BRWD1: variants seen among roughly 807,000 people sequenced by gnomAD.
The protein encoded by BRWD1 is bromodomain and WD repeat-containing protein 1.
In BRWD1, 82 loss-of-function variants were observed where a neutral mutation model predicts 251.2. The observed-to-expected ratio is 0.33, with a 90% CI of 0.27 to 0.39. BRWD1 has a LOEUF of 0.39. Ranked by LOEUF, BRWD1 falls within the 10% of genes least tolerant of loss-of-function variation. The pLI is 1.00. For synonymous variants in BRWD1, 918 were observed against 902.8 expected, an observed-to-expected ratio of 1.02 and a Z score of -0.30; for missense variants, 2,233 against 2,711.6, an observed-to-expected ratio of 0.82 and a Z score of 3.92.
intron 4 of BRWD1, among the ~76,000 whole-genome samples, chr21:39,306,308 A>G (rs968192152): frequency 1.3e-5 from 2 of 152,022 alleles, no homozygotes; most frequent in Admixed American, 1.3e-4. Context: ...TGACCTTGTG[A>G]TCCACCCGCC....
Position 39,313,631 on chromosome 21 carries a change from C to G in BRWD1, c.-140G>C. ...GCCGCCGCCATACCGTGCGCGCCGCCTGGACCGACGCCTCCGCGGGGGAGG... is the reference window on the plus strand; with the variant it reads ...GCCGCCGCCATACCGTGCGCGCCGCGTGGACCGACGCCTCCGCGGGGGAGG... On this transcript the variant is annotated 5_prime_UTR_variant, in exon 1 of 41. Coordinates refer to ENST00000342449, the MANE Select transcript of BRWD1 (RefSeq NM_033656.4). The G allele has an allele frequency of 1.7e-6, 1 of 579,232 alleles. No individual in the cohort carries two copies. The highest frequency in any genetic ancestry group is 2.5e-6 in the Non-Finnish European group (1 of 397,386). 35.9% of individuals were successfully genotyped at this position (579,232 alleles called of 1,614,324 possible). A position where few individuals can be genotyped will look rare whatever the true frequency, so the allele number is the denominator to read the frequency against.
Position 39,229,300 on chromosome 21 carries a change from A to C in BRWD1, c.3125+12T>G. The C allele has an allele frequency of 6.3e-7, 1 of 1,575,998 alleles. No homozygotes were observed. Among genetic ancestry groups the C allele is most frequent in the Non-Finnish European group, 8.7e-7 (1 of 1,153,582 alleles). ...AAATTTAAGTAATTCCATTTTAAAA[A>C]ATAATACATACCTAATAGAGAAAGA... On this transcript the variant is annotated intron_variant, in intron 26 of 40. Coordinates refer to ENST00000342449, the MANE Select transcript of BRWD1 (RefSeq NM_033656.4).
At chr21:39,313,331 C>G (rs1194205058) in intron 1 of BRWD1, 32 bp from the exon 2 acceptor site, 2 of 1,500,400 alleles carry the variant, frequency 1.3e-6, no homozygotes, top group Non-Finnish European at 1.8e-6. Context: ...GGTCAAGCCC[C>G]GGCGGGGAGG....
rs1601329874 is a variant in BRWD1 at position 39,228,650 on chromosome 21, G to C, written c.3126-68C>G. 4.8e-6 allele frequency: 4 copies of C among 825,970 alleles called. No individual in the cohort carries two copies. The East Asian group carries it at 1.0e-4, about 21-fold the overall frequency. 51.2% of individuals were successfully genotyped at this position (825,970 alleles called of 1,614,324 possible). A position where few individuals can be genotyped will look rare whatever the true frequency, so the allele number is the denominator to read the frequency against. On this transcript the variant is annotated intron_variant, in intron 26 of 40. Transcript: ENST00000342449. The stretch of plus-strand genomic sequence containing the variant: ...GGTTATATAGTCTAAAAGCAGCACT[G>C]TCCAAAAGAAACATGAGATCTACGA...
At chr21:39,278,641 G>C (rs9985148) in intron 10 of BRWD1, 102 bp downstream of exon 10, 95,191 of 781,354 alleles carry the variant, frequency 0.12, 6,306 homozygotes, top group Admixed American at 0.13. Flanking sequence ...AACACCAGAA[G>C]TCATTTACCA....
rs1032320650 is a variant in BRWD1 at position 39,252,710 on chromosome 21, G to A, written c.2256-1821C>T. 3.3e-5 allele frequency among the ~76,000 whole-genome samples: 5 copies of A among 152,070 alleles called. No homozygotes were observed. In the East Asian group the frequency reaches 9.6e-4, roughly 29 times the overall value. On this transcript the variant is annotated intron_variant, in intron 19 of 40. Transcript: ENST00000342449. ...GCTGCCGTTCTCCTTTTCTTCCTTA[G>A]AAACACAATACCAATTTTTATCCAG... is the stretch of plus-strand genomic sequence containing the variant.
intron 22 of BRWD1, among the ~76,000 whole-genome samples, chr21:39,237,022 A>AC (rs2033834841): frequency 6.6e-6 from 1 of 152,212 alleles, no homozygotes; most frequent in African/African-American, 2.4e-5. Context: ...AAAGGATGTA[A>AC]ACCCGAAAAA....
intron 34 of BRWD1, among the ~76,000 whole-genome samples, chr21:39,211,429 T>TAA (rs2032652913): frequency 6.6e-6 from 1 of 152,168 alleles, no homozygotes; most frequent in Non-Finnish European, 1.5e-5. Flanking sequence ...AAAGTTATTA[T>TAA]AAGAGGGAGG....
chr21:39,302,334 A>G (rs1215444554), intron 4 of BRWD1, among the ~76,000 whole-genome samples: 7 of 152,216 alleles, frequency 4.6e-5, no homozygotes, highest in Non-Finnish European at 7.3e-5. Context: ...CAGAAGAAAA[A>G]TTACCACAAA....
chr21:39,270,815 A>G (rs2035073395), intron 13 of BRWD1, among the ~76,000 whole-genome samples: 1 of 152,250 alleles, frequency 6.6e-6, no homozygotes, highest in African/African-American at 2.4e-5. Context: ...GAACACAAAA[A>G]TAAGGTAATT....
In BRWD1 at chr21:39,190,476, T is replaced by C; in HGVS notation, c.*5783A>G. 1.0e-6 allele frequency: 1 copy of C among 985,396 alleles called. No homozygotes were observed. Among genetic ancestry groups the C allele is most frequent in the East Asian group, 1.1e-4 (1 of 8,814 alleles). 61.0% of individuals were successfully genotyped at this position (985,396 alleles called of 1,614,324 possible). A position where few individuals can be genotyped will look rare whatever the true frequency, so the allele number is the denominator to read the frequency against. ...CTAGAATCTTGACATTATTGGTTGC[T>C]GTGGTTGGTGGATAAATCAAATCCA... On this transcript the variant is annotated 3_prime_UTR_variant, in exon 41 of 41. Transcript: ENST00000342449.
Position 39,190,622 on chromosome 21 carries a change from CA to C in BRWD1, c.*5636del. ...TCATTGATAAGCAATGAAATGACCC[CA>C]AAACTCAGAAAGCAAATAACATTTA... On this transcript the variant is annotated 3_prime_UTR_variant, in exon 41 of 41. Transcript: ENST00000342449. The C allele has an allele frequency of 1.0e-6, 1 of 985,206 alleles. No individual in the cohort carries two copies. The highest frequency in any genetic ancestry group is 1.2e-6 in the Non-Finnish European group (1 of 829,904). The allele number at this position is 985,206 out of a possible 1,614,324, so 61.0% of individuals were successfully genotyped here.
At chr21:39,222,055 A>G (rs957612020) in intron 29 of BRWD1, among the ~76,000 whole-genome samples, 2 of 152,176 alleles carry the variant, frequency 1.3e-5, no homozygotes, top group South Asian at 2.1e-4. Context: ...AAAAAAAACA[A>G]AAGTATCCAG....
intron 17 of BRWD1, among the ~76,000 whole-genome samples, chr21:39,261,378 C>T (rs1393364983): frequency 6.6e-6 from 1 of 152,146 alleles, no homozygotes; most frequent in African/African-American, 2.4e-5. Flanking sequence ...GAATACACAG[C>T]AGAAGTGCTT....
Position 39,190,928 on chromosome 21 carries a change from C to G in BRWD1, c.*5331G>C, listed in dbSNP as rs1251462747. 17 of 985,316 alleles carry G rather than the reference C, an allele frequency of 1.7e-5. No homozygotes were observed. Among genetic ancestry groups the G allele is most frequent in the Non-Finnish European group, 1.9e-5 (16 of 829,888 alleles). 61.0% of individuals were successfully genotyped at this position (985,316 alleles called of 1,614,324 possible). A position where few individuals can be genotyped will look rare whatever the true frequency, so the allele number is the denominator to read the frequency against. ...CTGAATTTTTGTTCTTATTCTGGAA[C>G]TACAACTAATCTAGCTCATCACAAT... On this transcript the variant is annotated 3_prime_UTR_variant, in exon 41 of 41. Transcript: ENST00000342449.
intron 4 of BRWD1, among the ~76,000 whole-genome samples, chr21:39,300,673 T>G (rs1282049875): frequency 6.6e-6 from 1 of 152,158 alleles, no homozygotes; most frequent in Non-Finnish European, 1.5e-5. Flanking sequence ...ACACAAAAAG[T>G]TACAGCATAC....
intron 29 of BRWD1, among the ~76,000 whole-genome samples, chr21:39,223,215 T>A (rs2146530164): frequency 6.6e-6 from 1 of 152,292 alleles, no homozygotes; most frequent in East Asian, 1.9e-4. Context: ...GTGCTAGCTG[T>A]ATAAGAAGGG....
At chr21:39,309,445 G>C (rs2036395761) in intron 4 of BRWD1, among the ~76,000 whole-genome samples, 2 of 152,102 alleles carry the variant, frequency 1.3e-5, no homozygotes, top group Non-Finnish European at 2.9e-5. Context: ...GTAATAGAGT[G>C]AGACCCAGGG....
intron 27 of BRWD1, among the ~76,000 whole-genome samples, chr21:39,225,786 C>T (rs1202347604): frequency 6.6e-6 from 1 of 152,100 alleles, no homozygotes; most frequent in Non-Finnish European, 1.5e-5. Flanking sequence ...AGCATATTTT[C>T]AAACTTATGT....
Sources: gnomAD v4.1 joint callset for allele counts (sites outside exome capture counted in the v4.1 genomes callset) on GRCh38, gnomAD v4.1.1 for gene constraint, MANE v1.5 for transcripts, NCBI Gene and HGNC (gene_info 2026-07-23, HGNC 2026-07-21) for gene names.